The following CD48 variants were observed in gnomAD, a reference collection of about 807,000 sequenced individuals.
CD48 encodes the protein CD48 molecule, also known as CD48 antigen.
In CD48, 20 loss-of-function variants were observed where a neutral mutation model predicts 22.0. That is an observed-to-expected ratio of 0.91 (90% CI 0.64 to 1.32). CD48 has a LOEUF of 1.32. Among genes scored for constraint, CD48 ranks in the 40% most tolerant of loss-of-function variants. The pLI, the probability that CD48 is intolerant of heterozygous loss-of-function variation, is 0.00. For synonymous variants in CD48, 110 were observed against 110.1 expected (o/e 1.00, Z 0.01); for missense variants, 307 against 286.5 (o/e 1.07, Z -0.52).
intron 1 of CD48, among the ~76,000 whole-genome samples, chr1:160,686,052 A>T (rs964614971): frequency 6.6e-6 from 1 of 152,120 alleles, no homozygotes; most frequent in African/African-American, 2.4e-5. Flanking sequence ...CCTCTCTAGA[A>T]TGGGGGTCTT....
rs183586391 is a variant in CD48, at chr1:160,690,879, T to C, written c.83-5690A>G. On this transcript the variant is annotated intron_variant, in intron 1 of 3. Transcript: ENST00000368046. ...CATTTTGTTCTGTACTAAGAAAAATTATTCTGCCTTGAGATGCTGTTAATC... is the reference window on the plus strand; with the variant it reads ...CATTTTGTTCTGTACTAAGAAAAATCATTCTGCCTTGAGATGCTGTTAATC... Among the ~76,000 whole-genome samples, 794 of 152,284 alleles carry C rather than the reference T, an allele frequency of 5.2e-3. 7 individuals are homozygous for C. Among genetic ancestry groups the C allele is most frequent in the Admixed American group, 0.019 (286 of 15,290 alleles).
intron 1 of CD48, among the ~76,000 whole-genome samples, chr1:160,697,870 T>C (rs1054884656): frequency 6.6e-5 from 10 of 152,104 alleles, no homozygotes; most frequent in African/African-American, 1.4e-4. Context: ...CAGCTGTTGA[T>C]AGCGACTTAA....
At chr1:160,699,346 A>AG (rs1287617063) in intron 1 of CD48, 1 of 157,338 alleles carries the variant, frequency 6.4e-6, no homozygotes, top group African/African-American at 2.4e-5. Flanking sequence ...ACACTGCGAA[A>AG]GACCGCAGGG....
At chr1:160,707,404 T>C (rs541372941) in intron 1 of CD48, among the ~76,000 whole-genome samples, 4 of 151,398 alleles carry the variant, frequency 2.6e-5, no homozygotes, top group African/African-American at 9.7e-5. Flanking sequence ...AGGGAAGACA[T>C]GAAGAGAAGG....
chr1:160,681,433 T>C lies in CD48; in HGVS notation c.421A>G (p.Ile141Val). 1.9e-6 allele frequency: 3 copies of C among 1,614,096 alleles called. No homozygotes were observed. Among genetic ancestry groups the C allele is most frequent in the Non-Finnish European group, 2.5e-6 (3 of 1,179,952 alleles). Reference protein sequence around the residue: ...VPKPVIKIEKIEDMDDNCYLK... With the variant: ...VPKPVIKIEKVEDMDDNCYLK... ...TAACAGTTGTCATCCATGTCTTCTATCTTCTCAATTTTGATGACAGGCTTG... is the reference window on the plus strand; with the variant it reads ...TAACAGTTGTCATCCATGTCTTCTACCTTCTCAATTTTGATGACAGGCTTG... Residue 141 changes from isoleucine to valine, a missense_variant, in exon 3 of 4, where the codon ATA (isoleucine) becomes GTA (valine). Ile to Val is a conservative substitution (Grantham distance 29). Coordinates refer to ENST00000368046, the MANE Select transcript of CD48 (RefSeq NM_001778.4).
At chr1:160,683,702 A>C (rs1661890719) in intron 2 of CD48, 1 of 152,134 alleles carries the variant, frequency 6.6e-6, no homozygotes, top group Non-Finnish European at 1.5e-5. Context: ...GAATGTATAC[A>C]ACACTCTTCA....
At chr1:160,687,150 G>A (rs1310080251) in intron 1 of CD48, among the ~76,000 whole-genome samples, 18 of 152,106 alleles carry the variant, frequency 1.2e-4, no homozygotes, top group Admixed American at 9.8e-4. Context: ...AAAGAACTCA[G>A]CGATATTTCT....
intron 1 of CD48, among the ~76,000 whole-genome samples, chr1:160,702,351 G>A (rs1328746876): frequency 2.0e-5 from 3 of 152,248 alleles, no homozygotes; most frequent in South Asian, 2.1e-4. Flanking sequence ...GACCTATTTG[G>A]TTTGGTTGTA....
chr1:160,701,107 G>T (rs57724190), intron 1 of CD48, among the ~76,000 whole-genome samples: 18,595 of 151,766 alleles, frequency 0.12, 1,231 homozygotes, highest in African/African-American at 0.15. Context: ...TGAACTGCAG[G>T]TTCCTGATTA....
intron 3 of CD48, chr1:160,680,494 T>G: frequency 1.3e-6 from 1 of 782,760 alleles, no homozygotes; most frequent in Non-Finnish European, 1.6e-6. Flanking sequence ...GTTTAGCTAG[T>G]AAGTGACAGT....
At chr1:160,706,647 T>C (rs1224229548) in intron 1 of CD48, among the ~76,000 whole-genome samples, 1 of 152,240 alleles carries the variant, frequency 6.6e-6, no homozygotes, top group Non-Finnish European at 1.5e-5. Context: ...GTGATATGTC[T>C]GGATGATTGG....
chr1:160,704,989 G>A (rs1024511414), intron 1 of CD48, among the ~76,000 whole-genome samples: 3 of 152,124 alleles, frequency 2.0e-5, no homozygotes, highest in Non-Finnish European at 2.9e-5. Context: ...AAAAGCTAAA[G>A]GTAGAAGAAG....
chr1:160,680,550 T>C, intron 3 of CD48: 1 of 990,008 alleles, frequency 1.0e-6, no homozygotes, highest in Non-Finnish European at 1.2e-6. Context: ...CCCATGGCCT[T>C]AGCTGTCCCA....
chr1:160,694,752 C>A (rs917987525), intron 1 of CD48, among the ~76,000 whole-genome samples: 1 of 152,094 alleles, frequency 6.6e-6, no homozygotes, highest in Non-Finnish European at 1.5e-5. Context: ...ACAGGGTATC[C>A]TTTTTAGGGG....
rs537219790 is a variant in CD48, at chr1:160,705,413, A to G, written c.82+6269T>C. On this transcript the variant is annotated intron_variant, in intron 1 of 3. Transcript: ENST00000368046. ...CCCTTGGCCAGACCTCAAAATGCCCATAACTGAGATGCCACCCAACAAAAA... is the reference window on the plus strand; with the variant it reads ...CCCTTGGCCAGACCTCAAAATGCCCGTAACTGAGATGCCACCCAACAAAAA... Among the ~76,000 whole-genome samples the G allele has an allele frequency of 9.2e-5, 14 of 152,346 alleles. No individual in the cohort carries two copies. The South Asian group carries it at 2.3e-3, about 25-fold the overall frequency.
intron 3 of CD48, 140 bp downstream of exon 3, chr1:160,681,062 A>T (rs1020713133): frequency 5.3e-5 from 80 of 1,517,732 alleles, no homozygotes; most frequent in Non-Finnish European, 6.8e-5. Flanking sequence ...GGCAGAACCC[A>T]CGTCTCCCAG....
chr1:160,688,395 C>T (rs1201727303), intron 1 of CD48, among the ~76,000 whole-genome samples: 3 of 152,122 alleles, frequency 2.0e-5, no homozygotes, highest in African/African-American at 7.2e-5. Flanking sequence ...TTCTCAAACT[C>T]GAACCAACAT....
chr1:160,705,363 A>G (rs1028407882), intron 1 of CD48, among the ~76,000 whole-genome samples: 3 of 152,152 alleles, frequency 2.0e-5, no homozygotes, highest in African/African-American at 4.8e-5. Flanking sequence ...ACTAACCCCA[A>G]CTAAGTACTT....
chr1:160,684,813 C>A (rs760332721), intron 2 of CD48, 74 bp downstream of exon 2: 1 of 1,614,026 alleles, frequency 6.2e-7, no homozygotes, highest in South Asian at 1.1e-5. Context: ...TGCCCCATGC[C>A]TCCCAGGAAG....
Sources: allele counts gnomAD v4.1 joint callset (sites outside exome capture counted in the v4.1 genomes callset), GRCh38; gene constraint gnomAD v4.1.1; transcripts MANE v1.5; gene names NCBI Gene and HGNC (gene_info 2026-07-23, HGNC 2026-07-21).